The following GAL3ST4 variants were observed in gnomAD, a reference collection of about 807,000 sequenced individuals.
The protein encoded by GAL3ST4 is beta-galactose-3-O-sulfotransferase 4.
A neutral mutation model predicts 31.6 loss-of-function variants in GAL3ST4; 30 were observed. The ratio of observed to expected loss-of-function variants is 0.95; its 90% CI spans 0.71 to 1.29. The LOEUF (loss-of-function observed/expected upper bound fraction) is 1.29. Ranked by LOEUF, GAL3ST4 falls within the 50% of genes most tolerant of loss-of-function variation. The probability of loss-of-function intolerance (pLI) is 0.00; values close to 1 mark genes in which losing one functional copy is unlikely to be tolerated. For synonymous variants in GAL3ST4, 248 were observed against 256.9 expected (o/e 0.97, Z 0.33); for missense variants, 629 against 625.2 (o/e 1.01, Z -0.06).
intron 1 of GAL3ST4, 139 bp from the exon 2 acceptor site, chr7:100,167,422 GC>G: frequency 2.6e-6 from 1 of 387,872 alleles, no homozygotes. Context: ...CTCCTAGGTG[GC>G]CCCACAACTA....
At chr7:100,165,755 A>C (rs1022841591) in intron 3 of GAL3ST4, among the ~76,000 whole-genome samples, 3 of 150,298 alleles carry the variant, frequency 2.0e-5, no homozygotes, top group African/African-American at 7.4e-5. Flanking sequence ...CAGGAGTTTG[A>C]GGTTACAGTG....
At chr7:100,165,816 GTC>G (rs950495595) in intron 3 of GAL3ST4, among the ~76,000 whole-genome samples, 5 of 141,688 alleles carry the variant, frequency 3.5e-5, no homozygotes, top group East Asian at 2.1e-4. Flanking sequence ...ATGAGACCCT[GTC>G]TCACACACAC....
At position 100,160,304 on chromosome 7, in the gene GAL3ST4, C is replaced by G; in HGVS notation, c.1085G>C (p.Trp362Ser). Reference sequence around the variant, plus strand: ...ATAGAGAGCCCAGTCCAGGTTGTTCCAGGCTCGGGCCCGTGCAGTCAGCTG... The same window carrying G: ...ATAGAGAGCCCAGTCCAGGTTGTTCGAGGCTCGGGCCCGTGCAGTCAGCTG... Reference protein sequence around the residue: ...DRQLTARARAWNNLDWALYVH... With the variant: ...DRQLTARARASNNLDWALYVH... The change falls in exon 4 of 4, where the codon TGG becomes TCG. Residue 362 changes from tryptophan to serine, a missense_variant. By Grantham distance (177) the Trp-to-Ser change is radical. Coordinates refer to ENST00000360039, the MANE Select transcript of GAL3ST4 (RefSeq NM_024637.5). 1 of 1,613,792 alleles carries G rather than the reference C, an allele frequency of 6.2e-7. No homozygotes were observed.
In GAL3ST4 at chr7:100,160,030, G is replaced by A; in HGVS notation, c.1359C>T (p.Arg453=). 1 of 1,614,080 alleles carries A rather than the reference G, an allele frequency of 6.2e-7. No individual in the cohort carries two copies. The highest frequency in any genetic ancestry group is 8.5e-7 in the Non-Finnish European group (1 of 1,180,002). ...LSPQDQEECE[R]LATPELQYKD... ...TGTACTGGAGCTCAGGGGTAGCTAGGCGCTCACATTCCTCTTGGTCTTGGG... is the reference window on the plus strand; with the variant it reads ...TGTACTGGAGCTCAGGGGTAGCTAGACGCTCACATTCCTCTTGGTCTTGGG... The change falls in exon 4 of 4, where the codon CGC becomes CGT. Residue 453 remains arginine (R), a synonymous_variant. Transcript: ENST00000360039.
chr7:100,164,424 G>A (rs1799043678), intron 3 of GAL3ST4, among the ~76,000 whole-genome samples: 1 of 152,116 alleles, frequency 6.6e-6, no homozygotes, highest in Admixed American at 6.5e-5. Context: ...CAGCATTTTG[G>A]GAGGCTGAGG....
intron 3 of GAL3ST4, among the ~76,000 whole-genome samples, chr7:100,162,499 C>G (rs1392047111): frequency 6.8e-6 from 1 of 147,462 alleles, no homozygotes; most frequent in Admixed American, 6.8e-5. Flanking sequence ...GAGCCGAGAT[C>G]GCGCCACTGC....
At chr7:100,162,211 A>G (rs1799013277) in intron 3 of GAL3ST4, among the ~76,000 whole-genome samples, 1 of 151,990 alleles carries the variant, frequency 6.6e-6, no homozygotes, top group African/African-American at 2.4e-5. Flanking sequence ...GCTTAAGCCC[A>G]GGAGTTCAAG....
In GAL3ST4 at chr7:100,159,861, G is replaced by GA; in HGVS notation, c.*66_*67insT. On this transcript the variant is annotated 3_prime_UTR_variant, in exon 4 of 4. Coordinates refer to ENST00000360039, the MANE Select transcript of GAL3ST4 (RefSeq NM_024637.5). ...GGAGATGCAGAAATGGCATCTTGCT[G>GA]CCCCCCACTCATCACATGTGCCCTT... 7.6e-7 allele frequency: 1 copy of GA among 1,315,738 alleles called. No individual in the cohort carries two copies. The highest frequency in any genetic ancestry group is 1.1e-6 in the Non-Finnish European group (1 of 945,766). 81.5% of individuals were successfully genotyped at this position (1,315,738 alleles called of 1,614,324 possible).
intron 3 of GAL3ST4, among the ~76,000 whole-genome samples, chr7:100,161,942 G>A (rs933549113): frequency 1.3e-5 from 2 of 151,886 alleles, no homozygotes; most frequent in Non-Finnish European, 2.9e-5. Flanking sequence ...ACAGGGAGGG[G>A]AGCATCACAC....
intron 3 of GAL3ST4, among the ~76,000 whole-genome samples, chr7:100,165,095 C>T (rs1266405847): frequency 1.3e-5 from 2 of 152,026 alleles, no homozygotes; most frequent in African/African-American, 4.8e-5. Context: ...AGGATGGTCT[C>T]GATCTCCTGA....
At chr7:100,161,703 A>G (rs1799006843) in intron 3 of GAL3ST4, among the ~76,000 whole-genome samples, 1 of 152,014 alleles carries the variant, frequency 6.6e-6, no homozygotes, top group Non-Finnish European at 1.5e-5. Context: ...TCAATGATAG[A>G]CTGGATAAAT....
rs754592686 is a variant in GAL3ST4 at position 100,166,490 on chromosome 7, G to A, written c.429+12C>T. ...TGTTTCTGGTCCCTCCCACCACTGC[G>A]ACACTCCTTACCTCTTTCAGGTTGA... On this transcript the variant is annotated intron_variant, in intron 3 of 3. Coordinates refer to ENST00000360039, the MANE Select transcript of GAL3ST4 (RefSeq NM_024637.5). 25 of 1,600,760 alleles carry A rather than the reference G, an allele frequency of 1.6e-5. No homozygotes were observed. The highest frequency in any genetic ancestry group is 3.3e-4 in the Middle Eastern group (2 of 6,026).
rs200571320 is a variant in GAL3ST4, at chr7:100,166,626, C to G, written c.305G>C (p.Arg102Pro). 11 of 1,614,050 alleles carry G rather than the reference C, an allele frequency of 6.8e-6. No individual in the cohort carries two copies. The highest frequency in any genetic ancestry group is 4.5e-5 in the East Asian group (2 of 44,894). Residue 102 changes from arginine (R) to proline (P), a missense_variant, in exon 3 of 4, where the codon CGC becomes CCC. Physicochemically the swap from Arg to Pro is moderately radical, Grantham distance 103. Transcript: ENST00000360039. The part of the protein sequence containing the change: ...QHGLRFALPA[R>P]YQFGYPKLFQ... ...GAGCTTTGGGTAGCCAAACTGGTAG[C>G]GGGCAGGGAGGGCGAAGCGCAGCCC...
intron 3 of GAL3ST4, among the ~76,000 whole-genome samples, chr7:100,165,474 CA>C (rs1167771219): frequency 6.6e-6 from 1 of 151,916 alleles, no homozygotes; most frequent in East Asian, 1.9e-4. Context: ...AGCTGATCCT[CA>C]AAATGTGAGG....
Position 100,159,887 on chromosome 7 carries a change from C to A in GAL3ST4, c.*41G>T. The A allele has an allele frequency of 6.6e-7, 1 of 1,518,958 alleles. No individual in the cohort carries two copies. 94.1% of individuals were successfully genotyped at this position (1,518,958 alleles called of 1,614,324 possible). ...CCCCCCACTCATCACATGTGCCCTT[C>A]AAACATGGCTGCTCTTCCACCTAAA... On this transcript the variant is annotated 3_prime_UTR_variant, in exon 4 of 4. Transcript: ENST00000360039.
At position 100,167,124 on chromosome 7, in the gene GAL3ST4, G is replaced by A; in HGVS notation, c.-29C>T. The A allele has an allele frequency of 1.3e-6, 2 of 1,552,438 alleles. No individual in the cohort carries two copies. The highest frequency in any genetic ancestry group is 2.4e-5 in the East Asian group (1 of 41,034). On this transcript the variant is annotated 5_prime_UTR_variant, in exon 2 of 4. Coordinates refer to ENST00000360039, the MANE Select transcript of GAL3ST4 (RefSeq NM_024637.5). ...GCACAGGGAAGGGTGAGGTGACAGA[G>A]AGATGGAGCCAGGGCCAGGAAGAGG...
chr7:100,167,473 C>T (rs888188021), intron 1 of GAL3ST4, 190 bp from the exon 2 acceptor site: 8 of 241,822 alleles, frequency 3.3e-5, no homozygotes, highest in South Asian at 1.1e-4. Flanking sequence ...CAGTTCCTCC[C>T]GCTCCCCACC....
Position 100,159,789 on chromosome 7 carries a change from C to A in GAL3ST4, c.*139G>T. Reference sequence around the variant, plus strand: ...TGGAGGAGGGAAGCACTGCTGGGAGCCCAGCGAAGAGGGGGCTTGCATCGG... The same window carrying A: ...TGGAGGAGGGAAGCACTGCTGGGAGACCAGCGAAGAGGGGGCTTGCATCGG... On this transcript the variant is annotated 3_prime_UTR_variant, in exon 4 of 4. Coordinates refer to ENST00000360039, the MANE Select transcript of GAL3ST4 (RefSeq NM_024637.5). 1.4e-6 allele frequency: 1 copy of A among 700,722 alleles called. No individual in the cohort carries two copies. Among genetic ancestry groups the A allele is most frequent in the South Asian group, 1.9e-5 (1 of 51,802 alleles). The allele number at this position is 700,722 out of a possible 1,614,324, so 43.4% of individuals were successfully genotyped here.
chr7:100,164,331 C>G (rs2116972736), intron 3 of GAL3ST4, among the ~76,000 whole-genome samples: 1 of 152,228 alleles, frequency 6.6e-6, no homozygotes, highest in South Asian at 2.1e-4. Context: ...ATGCCTCATG[C>G]TGTCCTTACC....
Sources: allele counts gnomAD v4.1 joint callset (sites outside exome capture counted in the v4.1 genomes callset), GRCh38; gene constraint gnomAD v4.1.1; transcripts MANE v1.5; gene names NCBI Gene and HGNC (gene_info 2026-07-23, HGNC 2026-07-21).